DLG2: variants seen among roughly 807,000 people sequenced by gnomAD.
DLG2 encodes the protein discs large MAGUK scaffold protein 2.
A neutral mutation model predicts 132.5 loss-of-function variants in DLG2; 45 were observed. That is an observed-to-expected ratio of 0.34 (90% CI 0.27 to 0.44). The LOEUF is 0.44. Ranked by LOEUF, DLG2 falls within the 20% of genes least tolerant of loss-of-function variation. The pLI is 1.00. For synonymous variants in DLG2, 424 were observed against 419.6 expected (o/e 1.01, Z -0.13); for missense variants, 1,045 against 1,196.9 (o/e 0.87, Z 1.87).
intron 3 of DLG2, chr11:85,509,796 T>G (rs1172989403): frequency 6.6e-6 from 1 of 152,016 alleles, no homozygotes; most frequent in African/African-American, 2.4e-5. Flanking sequence ...TGAATTAAAA[T>G]CACAACTGTG....
At chr11:83,904,228 C>T (rs545427120) in intron 15 of DLG2, among the ~76,000 whole-genome samples, 19 of 152,018 alleles carry the variant, frequency 1.2e-4, no homozygotes, top group Admixed American at 1.2e-3. Flanking sequence ...TCATGCTTCA[C>T]AAAATGGCAC....
At chr11:84,207,735 G>C (rs1427491963) in intron 8 of DLG2, among the ~76,000 whole-genome samples, 1 of 152,006 alleles carries the variant, frequency 6.6e-6, no homozygotes, top group African/African-American at 2.4e-5. Flanking sequence ...ATATGCAAAG[G>C]TATTTTAGAA....
intron 10 of DLG2, among the ~76,000 whole-genome samples, chr11:84,067,957 T>C (rs1766203982): frequency 6.6e-6 from 1 of 151,822 alleles, no homozygotes; most frequent in South Asian, 2.1e-4. Flanking sequence ...GTAGGAGGAG[T>C]GACAAGCTTA....
chr11:85,316,901 C>T (rs939919318), intron 3 of DLG2, among the ~76,000 whole-genome samples: 1 of 151,628 alleles, frequency 6.6e-6, no homozygotes, highest in Non-Finnish European at 1.5e-5. Context: ...ATGGGAGACA[C>T]AAAACTTATC....
At chr11:84,457,228 A>G (rs995492096) in intron 7 of DLG2, among the ~76,000 whole-genome samples, 5 of 151,202 alleles carry the variant, frequency 3.3e-5, no homozygotes, top group African/African-American at 1.2e-4. Flanking sequence ...TCATATAAAA[A>G]GTACTATCTC....
At chr11:84,397,017 G>C (rs1236496542) in intron 7 of DLG2, among the ~76,000 whole-genome samples, 1 of 152,044 alleles carries the variant, frequency 6.6e-6, no homozygotes, top group Non-Finnish European at 1.5e-5. Flanking sequence ...AATAATAATA[G>C]TTATCATTTA....
At chr11:85,484,600 A>C (rs1258994177) in intron 3 of DLG2, among the ~76,000 whole-genome samples, 1 of 152,100 alleles carries the variant, frequency 6.6e-6, no homozygotes, top group Non-Finnish European at 1.5e-5. Context: ...CACATGAAAA[A>C]ATGCTCACCA....
chr11:85,004,339 G>A (rs1479390828), intron 6 of DLG2, among the ~76,000 whole-genome samples: 7 of 152,126 alleles, frequency 4.6e-5, no homozygotes, highest in African/African-American at 1.4e-4. Context: ...CCCACCAACA[G>A]CATAAAAGCA....
In DLG2 at chr11:84,098,918, T is replaced by G. The variant is rs759661377; in HGVS notation, c.749+5A>C. The G allele has an allele frequency of 2.0e-5, 32 of 1,612,208 alleles. 1 individual carries two copies. The South Asian group carries it at 2.1e-4, about 11-fold the overall frequency. ...CAAAATCATTCTAATGTTTCAGATC[T>G]TTACCTGAGTCTGCCATCCTCTGCT... On this transcript the variant is annotated splice_donor_5th_base_variant and intron_variant, in intron 10 of 27. Coordinates refer to ENST00000376104, the MANE Select transcript of DLG2 (RefSeq NM_001142699.3).
intron 3 of DLG2, among the ~76,000 whole-genome samples, chr11:85,570,610 T>A (rs2077791822): frequency 6.6e-6 from 1 of 152,206 alleles, no homozygotes; most frequent in Admixed American, 6.6e-5. Context: ...GAAGTGTAGG[T>A]TAATGGTTTG....
intron 3 of DLG2, among the ~76,000 whole-genome samples, chr11:85,413,732 G>C (rs1041507449): frequency 6.6e-6 from 1 of 151,884 alleles, no homozygotes; most frequent in African/African-American, 2.4e-5. Context: ...TTGTTTCTGG[G>C]TTCTGTATTC....
At chr11:84,347,485 A>G (rs560307625) in intron 7 of DLG2, among the ~76,000 whole-genome samples, 1 of 152,278 alleles carries the variant, frequency 6.6e-6, no homozygotes, top group South Asian at 2.1e-4. Flanking sequence ...TCTCCACTAT[A>G]GGTTCTGGAA....
chr11:85,395,728 TGAGTAG>T (rs3068494), intron 3 of DLG2, among the ~76,000 whole-genome samples: 87,419 of 151,156 alleles, frequency 0.58, 25,994 homozygotes, highest in Middle Eastern at 0.71. Context: ...TGCTGAGGCT[TGAGTAG>T]CTCACAGTGT....
intron 6 of DLG2, among the ~76,000 whole-genome samples, chr11:84,644,302 T>A (rs73511193): frequency 6.6e-6 from 1 of 152,172 alleles, no homozygotes; most frequent in Non-Finnish European, 1.5e-5. Flanking sequence ...AAAATATTTC[T>A]TCACTTCCTC....
chr11:85,433,430 C>A (rs188945756), intron 3 of DLG2, among the ~76,000 whole-genome samples: 2 of 152,190 alleles, frequency 1.3e-5, no homozygotes, highest in East Asian at 3.9e-4. Context: ...ATTTCATGTT[C>A]AAAGACACAC....
At chr11:84,054,211 T>A (rs2096457504) in intron 11 of DLG2, among the ~76,000 whole-genome samples, 1 of 152,124 alleles carries the variant, frequency 6.6e-6, no homozygotes, top group Non-Finnish European at 1.5e-5. Flanking sequence ...TTAGGCTTCT[T>A]TGGCCCAGGC....
chr11:85,231,905 T>C (rs1333081937), intron 4 of DLG2, among the ~76,000 whole-genome samples: 1 of 151,858 alleles, frequency 6.6e-6, no homozygotes, highest in Admixed American at 6.6e-5. Context: ...CACAAATATT[T>C]AGTTGCTGCC....
intron 6 of DLG2, among the ~76,000 whole-genome samples, chr11:84,908,362 C>G (rs1196371727): frequency 6.6e-6 from 1 of 152,126 alleles, no homozygotes; most frequent in African/African-American, 2.4e-5. Flanking sequence ...TTTACACTTA[C>G]AATGCATCTC....
At chr11:83,689,516 C>T (rs1039351356) in intron 18 of DLG2, among the ~76,000 whole-genome samples, 7 of 152,024 alleles carry the variant, frequency 4.6e-5, no homozygotes, top group African/African-American at 1.7e-4. Flanking sequence ...TCAAGCTGAC[C>T]TTTGCAAGTT....
Sources: gnomAD v4.1 joint callset for allele counts (sites outside exome capture counted in the v4.1 genomes callset) on GRCh38, gnomAD v4.1.1 for gene constraint, MANE v1.5 for transcripts, NCBI Gene and HGNC (gene_info 2026-07-23, HGNC 2026-07-21) for gene names.